VAV2: variants seen among roughly 807,000 people sequenced by gnomAD.
The protein encoded by VAV2 is vav guanine nucleotide exchange factor 2.
A neutral mutation model predicts 132.5 loss-of-function variants in VAV2; 67 were observed. The observed-to-expected ratio is 0.51, with a 90% CI of 0.42 to 0.62. The LOEUF (loss-of-function observed/expected upper bound fraction) is 0.62, where lower values mean the gene tolerates loss of function less well. Ranked by LOEUF, VAV2 falls within the 20% of genes least tolerant of loss-of-function variation. The pLI is 0.00. For missense variants in VAV2, 938 were observed against 1,153.6 expected, an observed-to-expected ratio of 0.81 and a Z score of 2.71; for synonymous variants, 492 against 443.5, an observed-to-expected ratio of 1.11 and a Z score of -1.37.
intron 3 of VAV2, among the ~76,000 whole-genome samples, chr9:133,851,001 G>A (rs542190807): frequency 1.2e-4 from 18 of 152,350 alleles, no homozygotes; most frequent in African/African-American, 3.4e-4. Context: ...TAGGGCAGGT[G>A]TGATGCTCTG....
chr9:133,868,998 CTT>C (rs112644029), intron 2 of VAV2, among the ~76,000 whole-genome samples: 5,182 of 142,238 alleles, frequency 0.036, 170 homozygotes, highest in African/African-American at 0.089. Flanking sequence ...TCTATTTATT[CTT>C]TTTTTTTTTT....
intron 1 of VAV2, among the ~76,000 whole-genome samples, chr9:133,966,116 T>C (rs1376625458): frequency 2.0e-5 from 3 of 152,120 alleles, no homozygotes; most frequent in African/African-American, 7.2e-5. Flanking sequence ...TGTCTCCCCA[T>C]ATGCAAGAAT....
At chr9:133,892,074 G>A (rs1838999558) in intron 2 of VAV2, among the ~76,000 whole-genome samples, 1 of 127,856 alleles carries the variant, frequency 7.8e-6, no homozygotes, top group Non-Finnish European at 1.7e-5. Flanking sequence ...GAGGTGGGGT[G>A]TGGGGAGGAG....
intron 1 of VAV2, among the ~76,000 whole-genome samples, chr9:133,942,801 T>C (rs1201987496): frequency 6.6e-6 from 1 of 152,036 alleles, no homozygotes; most frequent in Non-Finnish European, 1.5e-5. Context: ...TAAGAAGTCC[T>C]CCTGGTGCAG....
rs954553720 is a variant in VAV2 at position 133,815,136 on chromosome 9, G to A, written c.450-2920C>T. Among the ~76,000 whole-genome samples the A allele has an allele frequency of 2.0e-5, 3 of 152,062 alleles. No homozygotes were observed. In the South Asian group the frequency reaches 6.2e-4, roughly 32 times the overall value. On this transcript the variant is annotated intron_variant, in intron 4 of 29. Transcript: ENST00000371850. ...CCTGAACAGATGAGACTCGAAGGATGCTTTGAAGCCCGGGTGGACCTAGAA... is the reference window on the plus strand; with the variant it reads ...CCTGAACAGATGAGACTCGAAGGATACTTTGAAGCCCGGGTGGACCTAGAA...
intron 3 of VAV2, among the ~76,000 whole-genome samples, chr9:133,844,295 A>G (rs937418346): frequency 6.6e-6 from 1 of 152,230 alleles, no homozygotes; most frequent in Non-Finnish European, 1.5e-5. Context: ...GGAAATGGCC[A>G]GTGGTCCACA....
At chr9:133,838,983 AATGGATGGATGGGTGGGTAG>A (rs1294828226) in intron 3 of VAV2, among the ~76,000 whole-genome samples, 3 of 118,560 alleles carry the variant, frequency 2.5e-5, no homozygotes, top group Non-Finnish European at 3.5e-5. Flanking sequence ...TGGATGGATG[AATGGATGGATGGGTGGGTAG>A]ATGGATGGAT....
chr9:133,796,340 G>C, intron 11 of VAV2, 89 bp downstream of exon 11: 1 of 1,123,534 alleles, frequency 8.9e-7, no homozygotes, highest in Non-Finnish European at 1.3e-6. Flanking sequence ...TCTGTCTGTG[G>C]GCTGCAACCT....
intron 2 of VAV2, among the ~76,000 whole-genome samples, chr9:133,923,155 C>T (rs921698337): frequency 2.6e-5 from 4 of 152,174 alleles, no homozygotes; most frequent in Non-Finnish European, 4.4e-5. Flanking sequence ...CAGACCTAGG[C>T]AGAGGACGGC....
At chr9:133,962,178 G>A (rs1841987789) in intron 1 of VAV2, among the ~76,000 whole-genome samples, 1 of 152,178 alleles carries the variant, frequency 6.6e-6, no homozygotes, top group Non-Finnish European at 1.5e-5. Flanking sequence ...GGGGGATGAA[G>A]GGGTAACAGG....
At chr9:133,891,236 C>T (rs1205874737) in intron 2 of VAV2, among the ~76,000 whole-genome samples, 1 of 145,240 alleles carries the variant, frequency 6.9e-6, no homozygotes, top group Non-Finnish European at 1.5e-5. Context: ...TCTTCTCCCT[C>T]CCTCCCTCCC....
At chr9:133,859,918 G>T (rs373590693) in intron 3 of VAV2, among the ~76,000 whole-genome samples, 115 of 152,346 alleles carry the variant, frequency 7.5e-4, no homozygotes, top group African/African-American at 2.6e-3. Flanking sequence ...AAAGTACTCA[G>T]GGTGCTGGGC....
In VAV2 at chr9:133,840,396, C is replaced by T. The variant is rs983540484; in HGVS notation, c.381-6056G>A. Among the ~76,000 whole-genome samples the T allele has an allele frequency of 6.6e-6, 1 of 152,138 alleles. No individual in the cohort carries two copies. Among genetic ancestry groups the T allele is most frequent in the African/African-American group, 2.4e-5 (1 of 41,424 alleles). The stretch of plus-strand genomic sequence containing the variant: ...CAAACGACCCATCCAATCCCACTCC[C>T]CAAGCTTCCTCAGCACCCACTCCCC... On this transcript the variant is annotated intron_variant, in intron 3 of 29. Coordinates refer to ENST00000371850, the MANE Select transcript of VAV2 (RefSeq NM_001134398.2). The surrounding 1 kb of genome is among the most constrained non-coding windows in gnomAD (Gnocchi z 4.5).
At position 133,916,447 on chromosome 9, in the gene VAV2, A is replaced by G. The variant is rs1278316891; in HGVS notation, c.321+22656T>C. Among the ~76,000 whole-genome samples the G allele has an allele frequency of 3.3e-5, 5 of 152,314 alleles. No individual in the cohort carries two copies. In the South Asian group the frequency reaches 8.3e-4, roughly 25 times the overall value. ...CCGGGCGCACAGGCCCAGGACTAACAAAAGCGTCGGCGTCACCATCCCAGA... is the reference window on the plus strand; with the variant it reads ...CCGGGCGCACAGGCCCAGGACTAACGAAAGCGTCGGCGTCACCATCCCAGA... On this transcript the variant is annotated intron_variant, in intron 2 of 29. Transcript: ENST00000371850.
Position 133,794,526 on chromosome 9 carries a change from C to A in VAV2, c.1101+1142G>T, listed in dbSNP as rs575259950. ...GCCCAACAGCAGCTATAGACAGAGA[C>A]AGATTACAGCCCCTCCCCCACCCAG... On this transcript the variant is annotated intron_variant, in intron 12 of 29. Transcript: ENST00000371850. This position sits in a 1 kb window ranked among gnomAD's most constrained non-coding sequence, Gnocchi z 4.6. Among the ~76,000 whole-genome samples, 1 of 152,204 alleles carries A rather than the reference C, an allele frequency of 6.6e-6. No individual in the cohort carries two copies. The highest frequency in any genetic ancestry group is 2.1e-4 in the South Asian group (1 of 4,830).
chr9:133,937,820 G>C (rs2789846), intron 2 of VAV2, among the ~76,000 whole-genome samples: 130,734 of 152,212 alleles, frequency 0.86, 57,418 homozygotes, highest in East Asian at 0.98. Flanking sequence ...CTCCCAGGCA[G>C]GTGCGCTGCT....
rs935589279 is a variant in VAV2 at position 133,885,088 on chromosome 9, G to A, written c.322-23656C>T. ...AGCCTAGATAAGTTGGGCCCTTCTG[G>A]AGGGTTCTCTCCAGAGGACTGGCAA... is the stretch of plus-strand genomic sequence containing the variant. On this transcript the variant is annotated intron_variant, in intron 2 of 29. Coordinates refer to ENST00000371850, the MANE Select transcript of VAV2 (RefSeq NM_001134398.2). This position sits in a 1 kb window ranked among gnomAD's most constrained non-coding sequence, Gnocchi z 5.0. Among the ~76,000 whole-genome samples the A allele has an allele frequency of 1.3e-5, 2 of 152,240 alleles. No homozygotes were observed. Among genetic ancestry groups the A allele is most frequent in the Admixed American group, 1.3e-4 (2 of 15,284 alleles).
At chr9:133,766,759 A>AATAAAAATAT (rs1554767605) in intron 29 of VAV2, among the ~76,000 whole-genome samples, 7 of 112,110 alleles carry the variant, frequency 6.2e-5, no homozygotes, top group Admixed American at 9.0e-5. Flanking sequence ...AGTATAAATA[A>AATAAAAATAT]ATATATATAT....
intron 12 of VAV2, 24 bp from the exon 13 acceptor site, chr9:133,791,893 AG>A (rs1340269389): frequency 1.9e-6 from 3 of 1,605,512 alleles, no homozygotes; most frequent in Non-Finnish European, 2.6e-6. Context: ...GGCAGAGGTG[AG>A]CGGGCTGTGC....
Sources: allele counts gnomAD v4.1 joint callset (sites outside exome capture counted in the v4.1 genomes callset), GRCh38; gene constraint gnomAD v4.1.1; non-coding constraint Gnocchi (gnomAD v3.1); transcripts MANE v1.5; gene names NCBI Gene and HGNC (gene_info 2026-07-23, HGNC 2026-07-21).